The following CLDN2 variants were observed in gnomAD, a reference collection of about 807,000 sequenced individuals.
The protein encoded by CLDN2 is claudin 2.
Under a neutral mutation model 8.2 loss-of-function variants are expected in CLDN2, and 1 was observed. The ratio of observed to expected loss-of-function variants is 0.12; its 90% CI spans 0.04 to 0.58. The LOEUF is 0.58. Among genes scored for constraint, CLDN2 ranks in the 20% least tolerant of loss-of-function variants. CLDN2 has a pLI of 0.90. For missense variants in CLDN2, 108 were observed against 172.9 expected, an observed-to-expected ratio of 0.62 and a Z score of 2.11; for synonymous variants, 70 against 70.2, an observed-to-expected ratio of 1.00 and a Z score of 0.01.
intron 1 of CLDN2, among the ~76,000 whole-genome samples, chrX:106,902,913 T>C (rs899072308): frequency 8.9e-6 from 1 of 112,360 alleles, no homozygotes; most frequent in Non-Finnish European, 1.9e-5. Context: ...ACCTTCAGCT[T>C]TGGCAACAGC....
At position 106,928,893 on chromosome X, in the gene CLDN2, A is replaced by G. The variant is rs1933507602; in HGVS notation, c.665A>G (p.Asn222Ser). The part of the protein sequence containing the change: ...GQPPKVKSEF[N>S]SYSLTGYV ...CCTCCCAAAGTCAAGAGTGAGTTCAATTCCTACAGCCTGACAGGGTATGTG... is the reference window on the plus strand; with the variant it reads ...CCTCCCAAAGTCAAGAGTGAGTTCAGTTCCTACAGCCTGACAGGGTATGTG... Residue 222 changes from asparagine to serine, a missense_variant, in exon 2 of 2, where the codon AAT becomes AGT. This residue lies in a region of CLDN2 where 81 missense variants were observed against 100.8 expected (regional missense o/e 0.80). Coordinates refer to ENST00000336803, the MANE Select transcript of CLDN2 (RefSeq NM_020384.4). 5 of 1,210,777 alleles carry G rather than the reference A, an allele frequency of 4.1e-6. No homozygotes were observed. The East Asian group carries it at 1.2e-4, about 29-fold the overall frequency.
chrX:106,920,133 C>T (rs185479120), upstream of CLDN2, among the ~76,000 whole-genome samples: 241 of 110,936 alleles, frequency 2.2e-3, no homozygotes, highest in African/African-American at 7.6e-3. Flanking sequence ...ATTGGTGGGA[C>T]AGAGCCCCCT....
chrX:106,913,922 C>T (rs892433528), upstream of CLDN2, among the ~76,000 whole-genome samples: 4 of 107,891 alleles, frequency 3.7e-5, no homozygotes, highest in African/African-American at 6.8e-5. Flanking sequence ...CTCTCACTTC[C>T]GACTTCCTTT....
At chrX:106,919,932 T>C (rs755113809), upstream of CLDN2, among the ~76,000 whole-genome samples, 1 of 112,451 alleles carries the variant, frequency 8.9e-6, no homozygotes, top group Admixed American at 9.3e-5. Flanking sequence ...ACAGTACCCA[T>C]GTTTGCCCTT....
chrX:106,913,438 T>A (rs1933270834), upstream of CLDN2, among the ~76,000 whole-genome samples: 2 of 112,332 alleles, frequency 1.8e-5, no homozygotes, highest in Admixed American at 9.4e-5. Context: ...GGTTCACCGA[T>A]ACGGTTTAGT....
At chrX:106,927,866 T>C (rs1221367204) in intron 1 of CLDN2, among the ~76,000 whole-genome samples, 185 bp from the exon 2 acceptor site, 1 of 112,303 alleles carries the variant, frequency 8.9e-6, no homozygotes, top group Non-Finnish European at 1.9e-5. Flanking sequence ...TTTGTCCAGC[T>C]GCCAACCTAA....
chrX:106,918,637 G>A (rs1003705169), upstream of CLDN2, among the ~76,000 whole-genome samples: 3 of 112,256 alleles, frequency 2.7e-5, no homozygotes, highest in Non-Finnish European at 5.6e-5. Context: ...CCCAGGCCTT[G>A]CTCTGTACTA....
Position 106,928,849 on chromosome X carries a change from C to G in CLDN2, c.621C>G (p.Ser207Arg). The change falls in exon 2 of 2, where the codon AGC (serine) becomes AGG (arginine). Residue 207 changes from serine (S) to arginine (R), a missense_variant. Transcript: ENST00000336803. ...AAGCCCAACCTCTTGCCACAAGGAG[C>G]TCTCCAAGGCCTGGTCAACCTCCCA... ...AYQAQPLATR[S>R]SPRPGQPPKV... 8.3e-7 allele frequency: 1 copy of G among 1,211,785 alleles called. No homozygotes were observed. The highest frequency in any genetic ancestry group is 1.7e-5 in the African/African-American group (1 of 57,814).
upstream of CLDN2, among the ~76,000 whole-genome samples, chrX:106,919,601 A>T (rs1933361346): frequency 9.0e-6 from 1 of 111,508 alleles, no homozygotes; most frequent in Non-Finnish European, 1.9e-5. Context: ...CTCCTGCCTC[A>T]GCTTCCCGTG....
intron 1 of CLDN2, chrX:106,903,402 GA>G: frequency 2.5e-6 from 2 of 806,027 alleles, no homozygotes; most frequent in East Asian, 3.6e-5. Flanking sequence ...ATTATTCAGG[GA>G]GGACAGGGGT....
At chrX:106,922,972 ATTTTTTT>A (rs57514922) in intron 1 of CLDN2, among the ~76,000 whole-genome samples, 1 of 78,398 alleles carries the variant, frequency 1.3e-5, no homozygotes, top group African/African-American at 4.6e-5. Flanking sequence ...AGCTCTGAAG[ATTTTTTT>A]TTTTTTTTTT....
intron 1 of CLDN2, chrX:106,901,057 A>T (rs763689003): frequency 4.8e-5 from 47 of 980,379 alleles, no homozygotes; most frequent in Non-Finnish European, 6.0e-5. Flanking sequence ...TTTGTAACAG[A>T]ACCTTCTGCA....
chrX:106,914,062 C>G, upstream of CLDN2, among the ~76,000 whole-genome samples: 1 of 105,989 alleles, frequency 9.4e-6, no homozygotes, highest in Non-Finnish European at 1.9e-5. Context: ...AAGTGATTCT[C>G]CTGCCTCAGG....
At chrX:106,927,792 G>A (rs1444150780) in intron 1 of CLDN2, among the ~76,000 whole-genome samples, 1 of 112,265 alleles carries the variant, frequency 8.9e-6, no homozygotes. Flanking sequence ...AGTTAACACA[G>A]CCACCACAAC....
chrX:106,902,921 A>G (rs994731464), intron 1 of CLDN2, among the ~76,000 whole-genome samples: 1 of 112,303 alleles, frequency 8.9e-6, no homozygotes, highest in African/African-American at 3.2e-5. Context: ...CTTTGGCAAC[A>G]GCTGTCCCCA....
chrX:106,900,938 A>G (rs1358533278), intron 1 of CLDN2: 2 of 1,199,263 alleles, frequency 1.7e-6, no homozygotes, highest in African/African-American at 3.5e-5. Context: ...ATGGCCCCTA[A>G]CAGGTGTCAT....
upstream of CLDN2, among the ~76,000 whole-genome samples, chrX:106,913,917 A>G (rs1933278344): frequency 1.0e-5 from 1 of 97,034 alleles, no homozygotes; most frequent in African/African-American, 3.9e-5. Flanking sequence ...CATCTCTCTC[A>G]CTTCCGACTT....
Position 106,928,701 on chromosome X carries a change from T to A in CLDN2, c.473T>A (p.Phe158Tyr), listed in dbSNP as rs150418351. ...YSPLVPDSMKFEIGEALYLGI... is the reference protein window; with the variant it reads ...YSPLVPDSMKYEIGEALYLGI... ...CCACTGGTGCCTGACAGCATGAAATTTGAGATTGGAGAGGCTCTTTACTTG... is the reference window on the plus strand; with the variant it reads ...CCACTGGTGCCTGACAGCATGAAATATGAGATTGGAGAGGCTCTTTACTTG... The change falls in exon 2 of 2, where the codon TTT becomes TAT. Residue 158 changes from phenylalanine (F) to tyrosine (Y), a missense_variant. Physicochemically the swap from Phe to Tyr is conservative, Grantham distance 22. This residue lies in a region of CLDN2 where 81 missense variants were observed against 100.8 expected (regional missense o/e 0.80). Coordinates refer to ENST00000336803, the MANE Select transcript of CLDN2 (RefSeq NM_020384.4). 492 of 1,209,703 alleles carry A rather than the reference T, an allele frequency of 4.1e-4. No individual in the cohort carries two copies. In the African/African-American group the frequency reaches 7.5e-3, roughly 18 times the overall value.
chrX:106,901,027 G>T, intron 1 of CLDN2: 2 of 1,057,433 alleles, frequency 1.9e-6, no homozygotes, highest in Middle Eastern at 3.4e-4. Flanking sequence ...TGAGGTCAGA[G>T]GGAAAGGAAG....
Sources: allele counts gnomAD v4.1 joint callset (sites outside exome capture counted in the v4.1 genomes callset), GRCh38; gene constraint gnomAD v4.1.1; regional missense constraint gnomAD v4.1.1; transcripts MANE v1.5; gene names NCBI Gene and HGNC (gene_info 2026-07-23, HGNC 2026-07-21).